CCDC171: variants seen among roughly 807,000 people sequenced by gnomAD.
CCDC171 encodes coiled-coil domain containing 171, also known as coiled-coil domain-containing protein 171.
Under a neutral mutation model 168.2 loss-of-function variants are expected in CCDC171, and 177 were observed. The observed-to-expected ratio is 1.05, with a 90% CI of 0.93 to 1.19. CCDC171 has a LOEUF of 1.19. Among genes scored for constraint, CCDC171 ranks in the 50% most tolerant of loss-of-function variants. The probability of loss-of-function intolerance (pLI) is 0.00; values close to 1 mark genes in which losing one functional copy is unlikely to be tolerated. For synonymous variants in CCDC171, 687 were observed against 540.8 expected (o/e 1.27, Z -3.75); for missense variants, 1,991 against 1,539.0 (o/e 1.29, Z -4.91).
the CCDC171 span, among the ~76,000 whole-genome samples, chr9:16,087,765 T>C: frequency 8.0e-3 from 1,218 of 152,220 alleles, 18 homozygotes; most frequent in African/African-American, 0.027. Flanking sequence ...AATATTGTTA[T>C]GTATGGATTT....
At chr9:15,683,792 G>A (rs2050198424) in intron 10 of CCDC171, among the ~76,000 whole-genome samples, 1 of 152,122 alleles carries the variant, frequency 6.6e-6, no homozygotes, top group African/African-American at 2.4e-5. Flanking sequence ...ATGTATGTGT[G>A]TGAGAGAGAC....
intron 18 of CCDC171, among the ~76,000 whole-genome samples, chr9:15,750,877 G>A (rs942572660): frequency 1.3e-5 from 2 of 152,132 alleles, no homozygotes; most frequent in Non-Finnish European, 2.9e-5. Context: ...ACAAGACAAG[G>A]ATGCTCTCTC....
chr9:15,621,132 A>G (rs974326982), intron 6 of CCDC171, among the ~76,000 whole-genome samples: 1 of 151,858 alleles, frequency 6.6e-6, no homozygotes, highest in African/African-American at 2.4e-5. Context: ...ACATCTGGCT[A>G]TGTTTTGTAT....
At chr9:15,591,264 A>G (rs1587216316) in intron 4 of CCDC171, 102 bp from the exon 5 acceptor site, 14 of 682,194 alleles carry the variant, frequency 2.1e-5, no homozygotes, top group Non-Finnish European at 7.5e-6. Context: ...GTTTTATCCT[A>G]AGATCATGCT....
At chr9:16,070,870 G>T in the CCDC171 span, among the ~76,000 whole-genome samples, 1 of 152,202 alleles carries the variant, frequency 6.6e-6, no homozygotes, top group Admixed American at 6.5e-5. Context: ...TTCAGGGGAA[G>T]CCCCTTTCCC....
intron 7 of CCDC171, among the ~76,000 whole-genome samples, chr9:15,626,868 T>A (rs553170444): frequency 6.6e-6 from 1 of 152,316 alleles, no homozygotes; most frequent in South Asian, 2.1e-4. Flanking sequence ...TTTCTAATGA[T>A]TGAAATAGTT....
intron 21 of CCDC171, among the ~76,000 whole-genome samples, chr9:15,785,921 A>G (rs7043770): frequency 0.48 from 72,150 of 151,580 alleles, 17,309 homozygotes; most frequent in South Asian, 0.54. Context: ...AGAGACTTCA[A>G]TAAACTTGCC....
At chr9:16,076,703 G>T in the CCDC171 span, among the ~76,000 whole-genome samples, 1 of 152,136 alleles carries the variant, frequency 6.6e-6, no homozygotes, top group African/African-American at 2.4e-5. Context: ...AGAAACCTCA[G>T]GCCCCAGCCA....
chr9:16,007,575 G>A (rs1832743122), intron 3 of CCDC171, among the ~76,000 whole-genome samples: 1 of 152,074 alleles, frequency 6.6e-6, no homozygotes, highest in Admixed American at 6.6e-5. Flanking sequence ...GGTTTAATAT[G>A]TAAGTCTTTA....
intron 24 of CCDC171, among the ~76,000 whole-genome samples, chr9:15,902,255 TATATATGTA>T (rs1821783638): frequency 1.4e-5 from 2 of 143,286 alleles, no homozygotes; most frequent in African/African-American, 5.2e-5. Flanking sequence ...CATATATATA[TATATATGTA>T]TATATATATA....
chr9:16,062,358 C>T (rs1303363144), downstream of CCDC171, among the ~76,000 whole-genome samples: 9 of 152,038 alleles, frequency 5.9e-5, no homozygotes, highest in African/African-American at 4.8e-5. Context: ...ACTGAGCGCA[C>T]ATGGACACAA....
At chr9:15,659,827 G>C (rs1047068190) in intron 8 of CCDC171, among the ~76,000 whole-genome samples, 3 of 152,114 alleles carry the variant, frequency 2.0e-5, no homozygotes, top group South Asian at 2.1e-4. Flanking sequence ...TTATTGCCTT[G>C]ATTTAGGTGT....
chr9:16,074,861 T>C, the CCDC171 span, among the ~76,000 whole-genome samples: 1 of 152,194 alleles, frequency 6.6e-6, no homozygotes, highest in African/African-American at 2.4e-5. Flanking sequence ...CCACTGGGCC[T>C]CATAAGCCCT....
chr9:15,714,215 G>T (rs1301114678), intron 11 of CCDC171, among the ~76,000 whole-genome samples: 1 of 152,088 alleles, frequency 6.6e-6, no homozygotes, highest in Non-Finnish European at 1.5e-5. Context: ...CTACAGTCTT[G>T]CCAGGAGTGT....
At chr9:15,858,129 C>T (rs961512729) in intron 23 of CCDC171, among the ~76,000 whole-genome samples, 10 of 151,724 alleles carry the variant, frequency 6.6e-5, no homozygotes, top group African/African-American at 1.2e-4. Context: ...TCAATTCTCC[C>T]GCCTCAGCCT....
At chr9:15,932,283 A>G (rs1293936835) in intron 25 of CCDC171, among the ~76,000 whole-genome samples, 1 of 151,666 alleles carries the variant, frequency 6.6e-6, no homozygotes, top group Non-Finnish European at 1.5e-5. Context: ...TCTTCACTTT[A>G]TTTTATTAAA....
intron 21 of CCDC171, among the ~76,000 whole-genome samples, chr9:15,793,511 A>G (rs143337207): frequency 5.1e-4 from 76 of 148,994 alleles, no homozygotes; most frequent in African/African-American, 1.8e-3. Flanking sequence ...AATCAACAGA[A>G]TATACATTCT....
At chr9:15,555,152 T>C (rs1401420915) in intron 1 of CCDC171, among the ~76,000 whole-genome samples, 2 of 152,168 alleles carry the variant, frequency 1.3e-5, no homozygotes, top group African/African-American at 4.8e-5. Context: ...GGATCACTGA[T>C]CCCTTGGCCT....
intron 3 of CCDC171, among the ~76,000 whole-genome samples, chr9:16,007,200 T>A (rs1179740223): frequency 6.6e-6 from 1 of 152,252 alleles, no homozygotes; most frequent in Non-Finnish European, 1.5e-5. Context: ...GAGCATTTTT[T>A]CATGTGTTTT....
Sources: gnomAD v4.1 joint callset for allele counts (sites outside exome capture counted in the v4.1 genomes callset) on GRCh38, gnomAD v4.1.1 for gene constraint, MANE v1.5 for transcripts, NCBI Gene and HGNC (gene_info 2026-07-23, HGNC 2026-07-21) for gene names.